Variants in CPQ observed in about 807,000 individuals in gnomAD.
The protein encoded by CPQ is carboxypeptidase Q.
A neutral mutation model predicts 45.7 loss-of-function variants in CPQ; 37 were observed. That is an observed-to-expected ratio of 0.81 (90% confidence interval 0.62 to 1.07). CPQ has a LOEUF of 1.07. CPQ is among the 50% of genes least tolerant of loss of function. The pLI is 0.00. For missense variants in CPQ, 537 were observed against 572.9 expected (o/e 0.94, Z 0.64); for synonymous variants, 186 against 205.8 (o/e 0.90, Z 0.82).
intron 5 of CPQ, among the ~76,000 whole-genome samples, chr8:97,023,101 A>G (rs1231161924): frequency 6.0e-5 from 6 of 100,674 alleles, no homozygotes; most frequent in Non-Finnish European, 1.4e-4. Context: ...TATATACTAT[A>G]TATATACACA....
At chr8:97,042,287 T>C (rs1371316904) in intron 6 of CPQ, among the ~76,000 whole-genome samples, 79 of 151,894 alleles carry the variant, frequency 5.2e-4, no homozygotes, top group Admixed American at 4.4e-3. Context: ...GTGTTTGTAG[T>C]ATTCTCTGAT....
chr8:96,668,794 G>T (rs1054004413), intron 1 of CPQ, among the ~76,000 whole-genome samples: 5 of 152,048 alleles, frequency 3.3e-5, no homozygotes, highest in Admixed American at 2.0e-4. Context: ...TGAGTTCCCT[G>T]GGTTTTTCTT....
chr8:96,912,674 C>T (rs563965907), intron 4 of CPQ, among the ~76,000 whole-genome samples: 1 of 152,156 alleles, frequency 6.6e-6, no homozygotes, highest in South Asian at 2.1e-4. Context: ...ATTCCTTTGC[C>T]AGTTCTTTGA....
At chr8:96,883,055 T>C (rs1159672874) in intron 4 of CPQ, among the ~76,000 whole-genome samples, 3 of 152,216 alleles carry the variant, frequency 2.0e-5, no homozygotes, top group Non-Finnish European at 4.4e-5. Flanking sequence ...GTGAGGCTTA[T>C]TTCACTCAGC....
At chr8:97,014,428 A>G (rs1809543665) in intron 5 of CPQ, among the ~76,000 whole-genome samples, 1 of 152,266 alleles carries the variant, frequency 6.6e-6, no homozygotes, top group Non-Finnish European at 1.5e-5. Context: ...AGGCGGGCAG[A>G]TCACTTGAGG....
At chr8:96,721,738 G>T (rs1310461307) in intron 1 of CPQ, among the ~76,000 whole-genome samples, 3 of 151,846 alleles carry the variant, frequency 2.0e-5, no homozygotes, top group Non-Finnish European at 2.9e-5. Context: ...TAGCTCACAG[G>T]TCCCCCTCTA....
At chr8:96,673,046 A>AT (rs1038987093) in intron 1 of CPQ, among the ~76,000 whole-genome samples, 2 of 152,110 alleles carry the variant, frequency 1.3e-5, no homozygotes, top group African/African-American at 4.8e-5. Context: ...AGGTGGGAAT[A>AT]TTGCCCTTCA....
chr8:96,727,439 T>C (rs1000618130), intron 1 of CPQ, among the ~76,000 whole-genome samples: 1 of 152,196 alleles, frequency 6.6e-6, no homozygotes, highest in Admixed American at 6.5e-5. Flanking sequence ...ACATAAGGTA[T>C]AAAAACACTC....
intron 4 of CPQ, among the ~76,000 whole-genome samples, chr8:96,907,586 G>C (rs1812595318): frequency 6.6e-6 from 1 of 152,082 alleles, no homozygotes; most frequent in Admixed American, 6.6e-5. Context: ...TTTGAAAATG[G>C]AGCCAATTAC....
intron 2 of CPQ, among the ~76,000 whole-genome samples, chr8:96,827,268 C>A (rs1334472462): frequency 6.6e-6 from 1 of 152,012 alleles, no homozygotes; most frequent in Non-Finnish European, 1.5e-5. Flanking sequence ...TATTCTTCTG[C>A]TGTTTTTTTC....
chr8:97,021,536 G>T (rs1462497593), intron 5 of CPQ, among the ~76,000 whole-genome samples: 1 of 152,124 alleles, frequency 6.6e-6, no homozygotes, highest in African/African-American at 2.4e-5. Context: ...TTAACGTACA[G>T]AAATCAGTAG....
intron 2 of CPQ, among the ~76,000 whole-genome samples, chr8:96,802,987 G>GCA (rs1375155771): frequency 7.1e-6 from 1 of 139,954 alleles, no homozygotes; most frequent in Non-Finnish European, 1.5e-5. Flanking sequence ...AGAAACAGAA[G>GCA]CATACACACA....
At chr8:97,046,875 T>G (rs1810267524) in intron 6 of CPQ, among the ~76,000 whole-genome samples, 1 of 152,184 alleles carries the variant, frequency 6.6e-6, no homozygotes, top group Non-Finnish European at 1.5e-5. Flanking sequence ...TTAGGAAAGG[T>G]CAAAGGGAAA....
intron 1 of CPQ, among the ~76,000 whole-genome samples, chr8:96,699,068 T>C (rs1353289282): frequency 6.6e-6 from 1 of 152,150 alleles, no homozygotes; most frequent in Non-Finnish European, 1.5e-5. Context: ...ATAAGCAATA[T>C]TTGGGAGCAA....
chr8:97,089,890 A>G (rs937056265), intron 7 of CPQ, among the ~76,000 whole-genome samples: 5 of 152,168 alleles, frequency 3.3e-5, no homozygotes, highest in African/African-American at 9.7e-5. Flanking sequence ...ATACTAATGT[A>G]GTAAGTGTGG....
chr8:97,020,133 G>T (rs1419504543), intron 5 of CPQ, among the ~76,000 whole-genome samples: 1 of 152,074 alleles, frequency 6.6e-6, no homozygotes, highest in Non-Finnish European at 1.5e-5. Flanking sequence ...TGATCATTGG[G>T]TCAAAATTGA....
intron 1 of CPQ, among the ~76,000 whole-genome samples, chr8:96,713,891 T>C (rs989928812): frequency 6.6e-6 from 1 of 152,260 alleles, no homozygotes; most frequent in South Asian, 2.1e-4. Context: ...TTCTCCTTAA[T>C]TTATGAAACT....
intron 7 of CPQ, among the ~76,000 whole-genome samples, chr8:97,106,672 G>C (rs1811410855): frequency 6.6e-6 from 1 of 152,204 alleles, no homozygotes; most frequent in Non-Finnish European, 1.5e-5. Context: ...CTAAGAAAGA[G>C]GTGAAGGCTA....
At chr8:97,113,332 G>A (rs539531330) in intron 7 of CPQ, among the ~76,000 whole-genome samples, 18 of 152,292 alleles carry the variant, frequency 1.2e-4, no homozygotes, top group African/African-American at 4.1e-4. Flanking sequence ...GAAGGGTGTG[G>A]GGTAAAAGAA....
Sources: gnomAD v4.1 joint callset for allele counts (sites outside exome capture counted in the v4.1 genomes callset) on GRCh38, gnomAD v4.1.1 for gene constraint, MANE v1.5 for transcripts, NCBI Gene and HGNC (gene_info 2026-07-23, HGNC 2026-07-21) for gene names.